The following ZC3H18 variants were observed in gnomAD, a reference collection of about 807,000 sequenced individuals.
ZC3H18 encodes the protein zinc finger CCCH-type containing 18.
In ZC3H18, 8 loss-of-function variants were observed where a neutral mutation model predicts 106.1. The observed-to-expected ratio is 0.08, with a 90% CI of 0.04 to 0.14. The LOEUF (loss-of-function observed/expected upper bound fraction) is 0.14. Ranked by LOEUF, ZC3H18 falls within the 10% of genes least tolerant of loss-of-function variation. The probability of loss-of-function intolerance (pLI) is 1.00; values close to 1 mark genes in which losing one functional copy is unlikely to be tolerated. For missense variants in ZC3H18, 1,318 were observed against 1,278.4 expected (o/e 1.03, Z -0.47); for synonymous variants, 635 against 522.1 (o/e 1.22, Z -2.95).
At chr16:88,606,602 A>G (rs1177709867) in intron 6 of ZC3H18, among the ~76,000 whole-genome samples, 1 of 152,236 alleles carries the variant, frequency 6.6e-6, no homozygotes, top group African/African-American at 2.4e-5. Context: ...GGCCACAGCC[A>G]TGCACCACCA....
intron 8 of ZC3H18, 71 bp from the exon 9 acceptor site, chr16:88,622,126 C>T (rs933450767): frequency 3.2e-5 from 49 of 1,510,996 alleles, no homozygotes; most frequent in Non-Finnish European, 2.7e-6. Context: ...GTCTCTCCCG[C>T]TGCTGTCACA....
chr16:88,586,782 G>A (rs1436695873), intron 3 of ZC3H18, 98 bp downstream of exon 3: 6 of 932,808 alleles, frequency 6.4e-6, no homozygotes, highest in Admixed American at 2.0e-5. Context: ...CTCTGCTCAA[G>A]GCAGTTCTCT....
chr16:88,627,835 G>A lies in ZC3H18; in HGVS notation c.2269+53G>A, dbSNP rs1378079684. 7.5e-6 allele frequency: 12 copies of A among 1,610,524 alleles called. No individual in the cohort carries two copies. The highest frequency in any genetic ancestry group is 6.6e-5 in the South Asian group (6 of 91,046). On this transcript the variant is annotated intron_variant, in intron 14 of 17. Coordinates refer to ENST00000301011, the MANE Select transcript of ZC3H18 (RefSeq NM_144604.4). The surrounding 1 kb of genome is among the most constrained non-coding windows in gnomAD (Gnocchi z 4.5). Reference sequence around the variant, plus strand: ...GAGCAGCTCCCGGGGGAGGAGGGCGGCATCAGCACAGACTTTGCCTGGCTG... The same window carrying A: ...GAGCAGCTCCCGGGGGAGGAGGGCGACATCAGCACAGACTTTGCCTGGCTG...
Position 88,628,032 on chromosome 16 carries a change from C to T in ZC3H18, c.2382C>T (p.Pro794=). 7 of 1,614,158 alleles carry T rather than the reference C, an allele frequency of 4.3e-6. No homozygotes were observed. The highest frequency in any genetic ancestry group is 5.1e-6 in the Non-Finnish European group (6 of 1,180,020). The change falls in exon 15 of 18, where the codon CCC becomes CCT. Residue 794 remains proline, a synonymous_variant. Coordinates refer to ENST00000301011, the MANE Select transcript of ZC3H18 (RefSeq NM_144604.4). ...PPAGGKSSQQ[P]STPQQAPPGQ... The stretch of plus-strand genomic sequence containing the variant: ...CAGGGGGGAAGTCCTCCCAGCAGCC[C>T]TCGACACCCCAGCAGGCACCCCCCG...
chr16:88,621,281 A>G (rs1199982163), intron 8 of ZC3H18, among the ~76,000 whole-genome samples: 5 of 148,770 alleles, frequency 3.4e-5, no homozygotes, highest in South Asian at 2.1e-4. Flanking sequence ...CTGGAGTGCA[A>G]TGGCGCGATC....
rs1597364287 is a variant in ZC3H18 at position 88,630,269 on chromosome 16, G to T, written c.2567-216G>T. 4 of 508,528 alleles carry T rather than the reference G, an allele frequency of 7.9e-6. No individual in the cohort carries two copies. The East Asian group carries it at 1.3e-4, about 16-fold the overall frequency. 31.5% of individuals were successfully genotyped at this position (508,528 alleles called of 1,614,324 possible). ...ATATTGGCTGCTTGCTGGAACCTGG[G>T]GCCCAGGTTTGGCCTCAGCCTCATT... On this transcript the variant is annotated intron_variant, in intron 16 of 17. Transcript: ENST00000301011.
rs550664640 is a variant in ZC3H18, at chr16:88,603,104, A to G, written c.1088+3156A>G. On this transcript the variant is annotated intron_variant, in intron 6 of 17. Transcript: ENST00000301011. ...CTCAGCCTCCCGAGTAGCTGGGACT[A>G]CAGGCGCCCGCCACCACGCTCAGCC... 2.5e-3 allele frequency among the ~76,000 whole-genome samples: 386 copies of G among 151,884 alleles called. 1 individual carries two copies. The highest frequency in any genetic ancestry group is 8.9e-3 in the African/African-American group (370 of 41,442).
At chr16:88,570,884 C>G (rs560220247) in intron 1 of ZC3H18, among the ~76,000 whole-genome samples, 55 of 152,368 alleles carry the variant, frequency 3.6e-4, no homozygotes, top group African/African-American at 1.2e-3. Context: ...GGGCCACTCG[C>G]GTGGCACATG....
At chr16:88,589,601 C>T (rs958224626) in intron 3 of ZC3H18, among the ~76,000 whole-genome samples, 2 of 151,292 alleles carry the variant, frequency 1.3e-5, no homozygotes, top group Non-Finnish European at 2.9e-5. Flanking sequence ...TGACTCACGC[C>T]GCAACGTGGA....
At chr16:88,616,264 T>C (rs1905596182) in intron 8 of ZC3H18, among the ~76,000 whole-genome samples, 1 of 152,214 alleles carries the variant, frequency 6.6e-6, no homozygotes, top group Non-Finnish European at 1.5e-5. Flanking sequence ...CAAACACAGC[T>C]GCTCTCACCA....
intron 1 of ZC3H18, among the ~76,000 whole-genome samples, chr16:88,571,336 A>G (rs559980612): frequency 6.6e-6 from 1 of 152,328 alleles, no homozygotes; most frequent in South Asian, 2.1e-4. Flanking sequence ...ATGGAAGAAG[A>G]GAGTGTTTGG....
chr16:88,580,156 CTGTG>C (rs56406234), intron 2 of ZC3H18, among the ~76,000 whole-genome samples: 1,805 of 126,888 alleles, frequency 0.014, 19 homozygotes, highest in South Asian at 0.045. Flanking sequence ...ACAGGTTCAT[CTGTG>C]TGTGTGTGTG....
At chr16:88,609,764 T>A (rs1293654320) in intron 7 of ZC3H18, among the ~76,000 whole-genome samples, 3 of 151,040 alleles carry the variant, frequency 2.0e-5, no homozygotes, top group Non-Finnish European at 4.4e-5. Context: ...CACACCTGGC[T>A]AATTTTTTGT....
intron 8 of ZC3H18, among the ~76,000 whole-genome samples, chr16:88,617,382 A>G (rs147855432): frequency 1.3e-5 from 2 of 152,298 alleles, no homozygotes; most frequent in East Asian, 3.9e-4. Flanking sequence ...GCTGTTTTAA[A>G]ATGATTAGAG....
intron 17 of ZC3H18, among the ~76,000 whole-genome samples, 188 bp downstream of exon 17, chr16:88,630,769 C>CCA (rs1906634239): frequency 8.9e-6 from 1 of 111,942 alleles, no homozygotes; most frequent in Non-Finnish European, 2.0e-5. Flanking sequence ...CCCCCCCACA[C>CCA]ACACACACAC....
At chr16:88,629,602 C>T (rs531950197) in intron 16 of ZC3H18, among the ~76,000 whole-genome samples, 1 of 152,232 alleles carries the variant, frequency 6.6e-6, no homozygotes, top group Non-Finnish European at 1.5e-5. Flanking sequence ...CCACATGCCT[C>T]GTGCCTTCTG....
intron 3 of ZC3H18, among the ~76,000 whole-genome samples, chr16:88,593,560 A>G (rs1904308239): frequency 6.6e-6 from 1 of 152,210 alleles, no homozygotes; most frequent in Admixed American, 6.5e-5. Context: ...GTGTCTCAGT[A>G]CTCAGCGTGG....
At chr16:88,606,546 C>T (rs1173325918) in intron 6 of ZC3H18, among the ~76,000 whole-genome samples, 1 of 152,242 alleles carries the variant, frequency 6.6e-6, no homozygotes, top group Non-Finnish European at 1.5e-5. Context: ...GGCTTTTCTA[C>T]CCTATTGGGC....
chr16:88,631,301 C>T lies in ZC3H18; in HGVS notation c.*2C>T. 1.3e-6 allele frequency: 2 copies of T among 1,574,402 alleles called. No individual in the cohort carries two copies. Among genetic ancestry groups the T allele is most frequent in the Non-Finnish European group, 8.6e-7 (1 of 1,159,900 alleles). On this transcript the variant is annotated 3_prime_UTR_variant, in exon 18 of 18. Coordinates refer to ENST00000301011, the MANE Select transcript of ZC3H18 (RefSeq NM_144604.4). ...GCCAAGATCCCCGGGAAAGCATAGG[C>T]CGTGCCCCGACCGGACTGGACGCAT... is the stretch of plus-strand genomic sequence containing the variant.
Sources: allele counts gnomAD v4.1 joint callset (sites outside exome capture counted in the v4.1 genomes callset), GRCh38; gene constraint gnomAD v4.1.1; non-coding constraint Gnocchi (gnomAD v3.1); transcripts MANE v1.5; gene names NCBI Gene and HGNC (gene_info 2026-07-23, HGNC 2026-07-21).